The following MAVS variants were observed in gnomAD, a reference collection of about 807,000 sequenced individuals.
MAVS encodes mitochondrial antiviral signaling protein, also known as mitochondrial antiviral-signaling protein.
In MAVS, 20 loss-of-function variants were observed where a neutral mutation model predicts 30.2. That is an observed-to-expected ratio of 0.66 (90% CI 0.47 to 0.96). The LOEUF (loss-of-function observed/expected upper bound fraction) is 0.96. Among genes scored for constraint, MAVS ranks in the 40% least tolerant of loss-of-function variants. The probability of loss-of-function intolerance (pLI) is 0.00; values close to 1 mark genes in which losing one functional copy is unlikely to be tolerated. For missense variants in MAVS, 624 were observed against 701.1 expected (o/e 0.89, Z 1.24); for synonymous variants, 278 against 293.9 (o/e 0.95, Z 0.55).
chr20:3,848,589 T>C (rs1278477958), intron 1 of MAVS, among the ~76,000 whole-genome samples: 1 of 152,196 alleles, frequency 6.6e-6, no homozygotes, highest in African/African-American at 2.4e-5. Flanking sequence ...ACAGGACTGC[T>C]TCCCCTGTGA....
chr20:3,858,393 G>A (rs2146766455), intron 3 of MAVS, among the ~76,000 whole-genome samples: 1 of 152,228 alleles, frequency 6.6e-6, no homozygotes, highest in East Asian at 1.9e-4. Flanking sequence ...CAAGACATGG[G>A]AGGAGGCTGG....
intron 3 of MAVS, among the ~76,000 whole-genome samples, chr20:3,860,465 C>T (rs190844919): frequency 1.2e-3 from 175 of 149,998 alleles, no homozygotes; most frequent in African/African-American, 4.0e-3. Flanking sequence ...ACCTTCACTT[C>T]CCAGGTTCAA....
At chr20:3,857,041 A>G (rs556181604) in intron 2 of MAVS, among the ~76,000 whole-genome samples, 1 of 150,986 alleles carries the variant, frequency 6.6e-6, no homozygotes, top group African/African-American at 2.4e-5. Flanking sequence ...GTCTGAAAAA[A>G]AAAAAAAAAA....
chr20:3,856,608 G>C lies in MAVS; in HGVS notation c.118-1027G>C, dbSNP rs138818619. Among the ~76,000 whole-genome samples, 189 of 152,148 alleles carry C rather than the reference G, an allele frequency of 1.2e-3. 3 individuals are homozygous for C. In the South Asian group the frequency reaches 0.019, roughly 16 times the overall value. On this transcript the variant is annotated intron_variant, in intron 2 of 6. Transcript: ENST00000428216. Reference sequence around the variant, plus strand: ...CTTGTGATCCTCGGCCTTCCAAAGTGCTGGGATTACGGGTGTGAGCTACCG... The same window carrying C: ...CTTGTGATCCTCGGCCTTCCAAAGTCCTGGGATTACGGGTGTGAGCTACCG...
chr20:3,864,194 C>T, intron 5 of MAVS, 62 bp from the exon 6 acceptor site: 1 of 1,526,860 alleles, frequency 6.5e-7, no homozygotes, highest in Non-Finnish European at 8.8e-7. Context: ...AGGGACCCTT[C>T]TCCAGGCCTC....
At chr20:3,863,613 C>T (rs2089882856) in intron 5 of MAVS, among the ~76,000 whole-genome samples, 1 of 152,026 alleles carries the variant, frequency 6.6e-6, no homozygotes, top group South Asian at 2.1e-4. Context: ...CTGACTTTTG[C>T]CAGCTGTGGG....
chr20:3,860,035 T>C (rs2089852828), intron 3 of MAVS, among the ~76,000 whole-genome samples: 1 of 152,074 alleles, frequency 6.6e-6, no homozygotes, highest in Admixed American at 6.6e-5. Context: ...GCCAGGATGG[T>C]CTCGATCTCC....
At chr20:3,859,364 T>C (rs914038787) in intron 3 of MAVS, among the ~76,000 whole-genome samples, 5 of 151,822 alleles carry the variant, frequency 3.3e-5, no homozygotes, top group Non-Finnish European at 5.9e-5. Context: ...AAAAATTAGC[T>C]GCGCATGGTG....
At chr20:3,852,011 C>CTTTTTTTTTTTTTTTTTTTTTTT (rs1278577898) in intron 1 of MAVS, among the ~76,000 whole-genome samples, 3 of 47,222 alleles carry the variant, frequency 6.4e-5, no homozygotes, top group African/African-American at 3.3e-4. Flanking sequence ...TTTTTTTCCC[C>CTTTTTTTTTTTTTTTTTTTTTTT]CGAGACGGAA....
At chr20:3,860,635 A>G (rs893373961) in intron 3 of MAVS, among the ~76,000 whole-genome samples, 1 of 151,226 alleles carries the variant, frequency 6.6e-6, no homozygotes, top group Non-Finnish European at 1.5e-5. Context: ...TCGGCCTCCC[A>G]AAGTGCTGGG....
chr20:3,850,703 G>A (rs2089752591), intron 1 of MAVS, among the ~76,000 whole-genome samples: 1 of 150,974 alleles, frequency 6.6e-6, no homozygotes, highest in African/African-American at 2.4e-5. Context: ...TGGCTAACAC[G>A]GTGAAACCCT....
intron 1 of MAVS, among the ~76,000 whole-genome samples, chr20:3,849,888 G>A (rs1016812703): frequency 1.3e-5 from 2 of 152,160 alleles, no homozygotes; most frequent in African/African-American, 2.4e-5. Flanking sequence ...TGATGGGGGC[G>A]GCAGAAAAGT....
rs778834489 is a variant in MAVS, at chr20:3,854,663, C to T, written c.39C>T (p.Cys13=). The change falls in exon 2 of 7, where the codon TGC becomes TGT. Residue 13 remains cysteine, a synonymous_variant. Transcript: ENST00000428216. ...FAEDKTYKYI[C]RNFSNFCNVD... ...AAGACAAGACCTATAAGTATATCTG[C>T]CGCAATTTCAGCAATTTTTGCAATG... The T allele has an allele frequency of 1.2e-6, 2 of 1,613,926 alleles. No homozygotes were observed. Among genetic ancestry groups the T allele is most frequent in the South Asian group, 2.2e-5 (2 of 91,070 alleles).
At position 3,873,137 on chromosome 20, in the gene MAVS, G is replaced by C. The variant is rs2089967698; in HGVS notation, c.*6990G>C. The C allele has an allele frequency of 6.6e-6, 1 of 152,222 alleles. No individual in the cohort carries two copies. Among genetic ancestry groups the C allele is most frequent in the Non-Finnish European group, 1.5e-5 (1 of 68,048 alleles). The allele number at this position is 152,222 out of a possible 1,614,324, so 9.4% of individuals were successfully genotyped here. Reference sequence around the variant, plus strand: ...AATATGGAGGAAATGAAACTCTCATGGGTTTTGCAGGGAATCTAAGTCAGT... The same window carrying C: ...AATATGGAGGAAATGAAACTCTCATCGGTTTTGCAGGGAATCTAAGTCAGT... On this transcript the variant is annotated 3_prime_UTR_variant, in exon 7 of 7. Transcript: ENST00000428216.
At position 3,866,405 on chromosome 20, in the gene MAVS, C is replaced by T; in HGVS notation, c.*258C>T. On this transcript the variant is annotated 3_prime_UTR_variant, in exon 7 of 7. Transcript: ENST00000428216. ...GGCTGCCCCCAGTGCTCCAGACCTTCCCCACTGGCAATCCAGGTTATCATC... is the reference window on the plus strand; with the variant it reads ...GGCTGCCCCCAGTGCTCCAGACCTTTCCCACTGGCAATCCAGGTTATCATC... 1.9e-6 allele frequency: 1 copy of T among 516,746 alleles called. No homozygotes were observed. The highest frequency in any genetic ancestry group is 5.0e-4 in the Middle Eastern group (1 of 2,014). 32.0% of individuals were successfully genotyped at this position (516,746 alleles called of 1,614,324 possible). A position where few individuals can be genotyped will look rare whatever the true frequency, so the allele number is the denominator to read the frequency against.
intron 1 of MAVS, among the ~76,000 whole-genome samples, chr20:3,847,254 G>A (rs1271494232): frequency 1.3e-5 from 2 of 152,106 alleles, no homozygotes; most frequent in Non-Finnish European, 2.9e-5. Flanking sequence ...AGGTGGGGCC[G>A]AGCCTCGACC....
rs367777036 is a variant in MAVS at position 3,859,920 on chromosome 20, C to A, written c.293-1412C>A. The stretch of plus-strand genomic sequence containing the variant: ...CAAGCTCCGCCTCCCGGGTTCACGC[C>A]ATTCTCCTGCCTCAGCCTCCCGAGT... On this transcript the variant is annotated intron_variant, in intron 3 of 6. Coordinates refer to ENST00000428216, the MANE Select transcript of MAVS (RefSeq NM_020746.5). Among the ~76,000 whole-genome samples, 13 of 148,944 alleles carry A rather than the reference C, an allele frequency of 8.7e-5. No individual in the cohort carries two copies. In the East Asian group the frequency reaches 1.9e-3, roughly 22 times the overall value.
rs1281454182 is a variant in MAVS, at chr20:3,871,424, G to A, written c.*5277G>A. On this transcript the variant is annotated 3_prime_UTR_variant, in exon 7 of 7. Transcript: ENST00000428216. ...AGGAGGGGCCGAAGCGGGTTCCTCT[G>A]TTGTCAAGCTCTTTGGAGGTGCCTG... The A allele has an allele frequency of 1.3e-5, 2 of 153,764 alleles. No homozygotes were observed. Among genetic ancestry groups the A allele is most frequent in the Admixed American group, 1.3e-4 (2 of 15,262 alleles). The allele number at this position is 153,764 out of a possible 1,614,324, so 9.5% of individuals were successfully genotyped here.
rs531495181 is a variant in MAVS, at chr20:3,858,007, T to A, written c.292+198T>A. 13 of 636,674 alleles carry A rather than the reference T, an allele frequency of 2.0e-5. No individual in the cohort carries two copies. The East Asian group carries it at 3.7e-4, about 18-fold the overall frequency. 39.4% of individuals were successfully genotyped at this position (636,674 alleles called of 1,614,324 possible). On this transcript the variant is annotated intron_variant, in intron 3 of 6. Transcript: ENST00000428216. ...CTTTGGCCAAGTCCCTTAATTTCCC[T>A]GAGCCTCAGGCCTCTCTTCTGTAAA...
Sources: gnomAD v4.1 joint callset for allele counts (sites outside exome capture counted in the v4.1 genomes callset) on GRCh38, gnomAD v4.1.1 for gene constraint, MANE v1.5 for transcripts, NCBI Gene and HGNC (gene_info 2026-07-23, HGNC 2026-07-21) for gene names.